Variants in DUSP22 observed in about 807,000 individuals in gnomAD.
DUSP22 encodes the protein dual specificity protein phosphatase 22.
In DUSP22, 24 loss-of-function variants were observed where a neutral mutation model predicts 24.5. That is an observed-to-expected ratio of 0.98 (90% confidence interval 0.71 to 1.38). The LOEUF (loss-of-function observed/expected upper bound fraction) is 1.38, where lower values mean the gene tolerates loss of function less well. Among genes scored for constraint, DUSP22 ranks in the 40% most tolerant of loss-of-function variants. The pLI is 0.00. For synonymous variants in DUSP22, 160 were observed against 106.4 expected (o/e 1.50, Z -3.10); for missense variants, 330 against 269.2 (o/e 1.23, Z -1.58).
At chr6:313,719 C>G (rs1027417039) in intron 3 of DUSP22, among the ~76,000 whole-genome samples, 2 of 152,422 alleles carry the variant, frequency 1.3e-5, no homozygotes, top group East Asian at 1.9e-4. Context: ...TATTGTTATG[C>G]CACTGTTTTG....
chr6:312,262 A>G lies in DUSP22; in HGVS notation c.138+300A>G, dbSNP rs531852946. On this transcript the variant is annotated intron_variant, in intron 3 of 6. Transcript: ENST00000419235. ...TGGACCTTAAGGACATTTAAACCCCATTTTCATTCCTTTCAGAATTATCTC... is the reference window on the plus strand; with the variant it reads ...TGGACCTTAAGGACATTTAAACCCCGTTTTCATTCCTTTCAGAATTATCTC... 1.2e-4 allele frequency among the ~76,000 whole-genome samples: 18 copies of G among 152,414 alleles called. No individual in the cohort carries two copies. In the East Asian group the frequency reaches 2.7e-3, roughly 23 times the overall value.
At chr6:320,347 A>T (rs1758530761) in intron 3 of DUSP22, 1 of 152,834 alleles carries the variant, frequency 6.5e-6, no homozygotes, top group Non-Finnish European at 1.5e-5. Flanking sequence ...GCTGTACTTG[A>T]GCAGTCACCT....
At chr6:321,458 CT>C (rs1448769091) in intron 3 of DUSP22, among the ~76,000 whole-genome samples, 1 of 152,302 alleles carries the variant, frequency 6.6e-6, no homozygotes, top group African/African-American at 2.4e-5. Flanking sequence ...CCCAGAGACC[CT>C]CGAAAGCTCT....
intron 1 of DUSP22, among the ~76,000 whole-genome samples, chr6:296,588 G>T (rs1035327041): frequency 1.3e-5 from 2 of 152,296 alleles, no homozygotes; most frequent in African/African-American, 2.4e-5. Context: ...AAGTTCTCTC[G>T]AGTCTGAACC....
chr6:344,662 A>C (rs544447452), intron 4 of DUSP22, among the ~76,000 whole-genome samples: 2 of 152,298 alleles, frequency 1.3e-5, no homozygotes. Context: ...TACCAGCCCC[A>C]CTTTATAAAT....
chr6:311,730 C>A lies in DUSP22; in HGVS notation c.56-150C>A. 9 of 780,240 alleles carry A rather than the reference C, an allele frequency of 1.2e-5. No individual in the cohort carries two copies. The South Asian group carries it at 1.4e-4, about 13-fold the overall frequency. The allele number at this position is 780,240 out of a possible 1,614,324, so 48.3% of individuals were successfully genotyped here. A position where few individuals can be genotyped will look rare whatever the true frequency, so the allele number is the denominator to read the frequency against. Reference sequence around the variant, plus strand: ...AGGCAAAATATATGAAAGCAGTAGCCCTAAGTTTCCTACATGTATGGTCAG... The same window carrying A: ...AGGCAAAATATATGAAAGCAGTAGCACTAAGTTTCCTACATGTATGGTCAG... On this transcript the variant is annotated intron_variant, in intron 2 of 6. Coordinates refer to ENST00000419235, the MANE Select transcript of DUSP22 (RefSeq NM_001286555.3).
At chr6:321,466 C>T (rs1222047961) in intron 3 of DUSP22, among the ~76,000 whole-genome samples, 1 of 152,302 alleles carries the variant, frequency 6.6e-6, no homozygotes, top group Non-Finnish European at 1.5e-5. Context: ...CCCTCGAAAG[C>T]TCTTGAAGTA....
chr6:296,912 T>A (rs1757360187), intron 1 of DUSP22, among the ~76,000 whole-genome samples: 1 of 152,300 alleles, frequency 6.6e-6, no homozygotes, highest in Non-Finnish European at 1.5e-5. Flanking sequence ...TGTGGCCTCT[T>A]CCTTCCTCCC....
chr6:322,545 C>G (rs1473477858), intron 3 of DUSP22, among the ~76,000 whole-genome samples: 1 of 152,298 alleles, frequency 6.6e-6, no homozygotes, highest in African/African-American at 2.4e-5. Flanking sequence ...GCTGTGGACA[C>G]TGGAAAGGGG....
At chr6:335,216 G>A (rs1307790939) in intron 4 of DUSP22, 53 bp downstream of exon 4, 9 of 1,594,344 alleles carry the variant, frequency 5.6e-6, no homozygotes, top group Non-Finnish European at 6.9e-6. Context: ...ATGAATAGAG[G>A]ATGGTAAAGT....
At chr6:339,300 C>G (rs534956144) in intron 4 of DUSP22, among the ~76,000 whole-genome samples, 1 of 152,426 alleles carries the variant, frequency 6.6e-6, no homozygotes, top group South Asian at 2.1e-4. Context: ...CTTCTCTCAT[C>G]TGTAAAATGC....
chr6:322,903 AC>A (rs1459614281), intron 3 of DUSP22, among the ~76,000 whole-genome samples: 1 of 152,038 alleles, frequency 6.6e-6, no homozygotes, highest in East Asian at 1.9e-4. Context: ...GTTGGTTAAG[AC>A]CCAAAGCCGG....
chr6:300,381 A>G (rs1448445692), intron 1 of DUSP22, among the ~76,000 whole-genome samples: 1 of 152,306 alleles, frequency 6.6e-6, no homozygotes, highest in East Asian at 1.9e-4. Flanking sequence ...AGCTACACGG[A>G]GCCCTAAGCT....
chr6:351,271 T>A lies in DUSP22; in HGVS notation c.*2320T>A. The A allele has an allele frequency of 4.6e-6, 1 of 216,696 alleles. No homozygotes were observed. The highest frequency in any genetic ancestry group is 9.0e-5 in the South Asian group (1 of 11,156). 13.4% of individuals were successfully genotyped at this position (216,696 alleles called of 1,614,324 possible). Reference sequence around the variant, plus strand: ...TTGGGAAATAGCCCTTGGTGTGGGTTTTATCTCTGGTTTGTGTTCTCCGTG... The same window carrying A: ...TTGGGAAATAGCCCTTGGTGTGGGTATTATCTCTGGTTTGTGTTCTCCGTG... On this transcript the variant is annotated 3_prime_UTR_variant, in exon 7 of 7. Coordinates refer to ENST00000419235, the MANE Select transcript of DUSP22 (RefSeq NM_001286555.3).
At chr6:296,482 G>C (rs893246063) in intron 1 of DUSP22, among the ~76,000 whole-genome samples, 3 of 152,310 alleles carry the variant, frequency 2.0e-5, no homozygotes, top group Non-Finnish European at 4.4e-5. Flanking sequence ...TATTAGTCTA[G>C]TAAATGTCTC....
intron 3 of DUSP22, among the ~76,000 whole-genome samples, chr6:323,880 G>A (rs897855378): frequency 3.3e-5 from 5 of 152,418 alleles, no homozygotes; most frequent in South Asian, 4.1e-4. Flanking sequence ...GATCAGCCCC[G>A]CAGCACCCAA....
At chr6:335,580 CA>C (rs1207502144) in intron 4 of DUSP22, among the ~76,000 whole-genome samples, 5 of 152,414 alleles carry the variant, frequency 3.3e-5, no homozygotes, top group Admixed American at 6.5e-5. Flanking sequence ...ACATTTTAAA[CA>C]GCAAACAGAA....
At chr6:327,395 G>A (rs1758930273) in intron 3 of DUSP22, among the ~76,000 whole-genome samples, 1 of 152,308 alleles carries the variant, frequency 6.6e-6, no homozygotes, top group African/African-American at 2.4e-5. Context: ...AGGTGCCGTG[G>A]CCAGCCTGGG....
intron 4 of DUSP22, among the ~76,000 whole-genome samples, chr6:344,771 G>A (rs1759776070): frequency 6.6e-6 from 1 of 152,308 alleles, no homozygotes; most frequent in Non-Finnish European, 1.5e-5. Flanking sequence ...CCACTGAGCT[G>A]CAGACAGGAC....
Sources: gnomAD v4.1 joint callset for allele counts (sites outside exome capture counted in the v4.1 genomes callset) on GRCh38, gnomAD v4.1.1 for gene constraint, MANE v1.5 for transcripts, NCBI Gene and HGNC (gene_info 2026-07-23, HGNC 2026-07-21) for gene names.